Variants in WAC observed in about 807,000 individuals in gnomAD.
The protein encoded by WAC is WW domain-containing adapter protein with coiled-coil.
In WAC, 11 loss-of-function variants were observed where a neutral mutation model predicts 79.6. That is an observed-to-expected ratio of 0.14 (90% CI 0.09 to 0.23). The LOEUF (loss-of-function observed/expected upper bound fraction) is 0.23. Among genes scored for constraint, WAC ranks in the 10% least tolerant of loss-of-function variants. WAC has a pLI of 1.00. For missense variants in WAC, 728 were observed against 773.5 expected, an observed-to-expected ratio of 0.94 and a Z score of 0.70; for synonymous variants, 304 against 276.9, an observed-to-expected ratio of 1.10 and a Z score of -0.97.
chr10:28,547,268 C>G (rs1287632628), intron 3 of WAC, among the ~76,000 whole-genome samples: 1 of 152,144 alleles, frequency 6.6e-6, no homozygotes, highest in African/African-American at 2.4e-5. Flanking sequence ...GGTGCGGTGG[C>G]TCACCCCTGT....
chr10:28,608,340 G>A lies in WAC; in HGVS notation c.1074G>A (p.Gln358=). 2 of 1,614,080 alleles carry A rather than the reference G, an allele frequency of 1.2e-6. No homozygotes were observed. Among genetic ancestry groups the A allele is most frequent in the Non-Finnish European group, 8.5e-7 (1 of 1,180,012 alleles). The change falls in exon 8 of 14, where the codon CAG becomes CAA. Residue 358 remains glutamine (Q), a synonymous_variant. Coordinates refer to ENST00000354911, the MANE Select transcript of WAC (RefSeq NM_016628.5). ...VPQSPIPPLL[Q]DPNLLRQLLP... Reference sequence around the variant, plus strand: ...AGTCGCCAATACCTCCCTTACTTCAGGACCCAAATCTTCTTAGACAATTGC... The same window carrying A: ...AGTCGCCAATACCTCCCTTACTTCAAGACCCAAATCTTCTTAGACAATTGC...
At chr10:28,610,596 G>A in intron 8 of WAC, 103 bp from the exon 9 acceptor site, 1 of 1,236,158 alleles carries the variant, frequency 8.1e-7, no homozygotes, top group Non-Finnish European at 1.1e-6. Flanking sequence ...GTTCTAGGTT[G>A]AAATATTCCA....
chr10:28,560,571 C>T (rs979058593), intron 3 of WAC, among the ~76,000 whole-genome samples: 2 of 152,022 alleles, frequency 1.3e-5, no homozygotes, highest in African/African-American at 2.4e-5. Context: ...AGTCTAGAGT[C>T]GAAGGCACAG....
Position 28,535,897 on chromosome 10 carries a change from T to C in WAC, c.274+140T>C, listed in dbSNP as rs577510734. The C allele has an allele frequency of 1.3e-4, 96 of 767,546 alleles. No individual in the cohort carries two copies. The Middle Eastern group carries it at 2.4e-3, about 19-fold the overall frequency. The allele number at this position is 767,546 out of a possible 1,614,324, so 47.5% of individuals were successfully genotyped here. On this transcript the variant is annotated intron_variant, in intron 3 of 13. Transcript: ENST00000354911. ...TATTTTAATCCTATCATTTTTTTTT[T>C]ACTCTGAACAAGTTACTGTAGAAAC...
At chr10:28,559,576 G>C (rs1372953632) in intron 3 of WAC, among the ~76,000 whole-genome samples, 1 of 152,156 alleles carries the variant, frequency 6.6e-6, no homozygotes, top group African/African-American at 2.4e-5. Context: ...TTTGTGACAA[G>C]CAAGTTTGTA....
chr10:28,542,631 T>TA lies in WAC; in HGVS notation c.274+6875dup, dbSNP rs150304557. ...TTACTGTAAAGTGATGGATGGAAGA[T>TA]ACCTGATACGAGACAAAAACTTGTA... On this transcript the variant is annotated intron_variant, in intron 3 of 13. Coordinates refer to ENST00000354911, the MANE Select transcript of WAC (RefSeq NM_016628.5). Among the ~76,000 whole-genome samples the TA allele has an allele frequency of 4.4e-3, 666 of 152,324 alleles. 3 individuals carry two copies. Among genetic ancestry groups the TA allele is most frequent in the African/African-American group, 0.015 (637 of 41,574 alleles).
chr10:28,548,825 C>G (rs978713272), intron 3 of WAC, among the ~76,000 whole-genome samples: 1 of 152,076 alleles, frequency 6.6e-6, no homozygotes, highest in African/African-American at 2.4e-5. Flanking sequence ...CCACCAGCTA[C>G]GTGTATATTG....
rs143772149 is a variant in WAC, at chr10:28,541,415, G to GTTTTTTTTTTTTTTTTTTTTTTT, written c.274+5662_274+5663insTTTTTTTTTTTTTTTTTTTTTTT. 1.6e-4 allele frequency among the ~76,000 whole-genome samples: 6 copies of GTTTTTTTTTTTTTTTTTTTTTTT among 37,904 alleles called. 3 individuals are homozygous for GTTTTTTTTTTTTTTTTTTTTTTT. Among genetic ancestry groups the GTTTTTTTTTTTTTTTTTTTTTTT allele is most frequent in the Non-Finnish European group, 8.5e-5 (2 of 23,614 alleles). 24.9% of individuals were successfully genotyped at this position (37,904 alleles called of 152,430 possible). A position where few individuals can be genotyped will look rare whatever the true frequency, so the allele number is the denominator to read the frequency against. On this transcript the variant is annotated intron_variant, in intron 3 of 13. Coordinates refer to ENST00000354911, the MANE Select transcript of WAC (RefSeq NM_016628.5). ...TTTTTGTGGGGTTGTGTGTGTGTGT[G>GTTTTTTTTTTTTTTTTTTTTTTT]TTTTGTTTTTTTTTTTTTTTTTTTT...
intron 3 of WAC, among the ~76,000 whole-genome samples, chr10:28,537,221 A>G (rs1318723067): frequency 3.9e-5 from 6 of 152,232 alleles, no homozygotes; most frequent in Non-Finnish European, 8.8e-5. Context: ...GTATTTGATT[A>G]TTAAAGTGTT....
chr10:28,553,601 G>A (rs900813296), intron 3 of WAC, among the ~76,000 whole-genome samples: 2 of 152,104 alleles, frequency 1.3e-5, no homozygotes, highest in East Asian at 1.9e-4. Context: ...TTATAGTGCC[G>A]TTTAAGATTG....
At chr10:28,585,513 T>G (rs1444376926) in intron 4 of WAC, among the ~76,000 whole-genome samples, 3 of 151,974 alleles carry the variant, frequency 2.0e-5, no homozygotes, top group African/African-American at 4.8e-5. Flanking sequence ...ATCGTCAAAC[T>G]ATTTGTGATG....
chr10:28,597,597 C>G (rs1840447588), intron 7 of WAC, among the ~76,000 whole-genome samples: 1 of 152,150 alleles, frequency 6.6e-6, no homozygotes, highest in South Asian at 2.1e-4. Context: ...TAACCATATT[C>G]CTTGGTAGTC....
intron 2 of WAC, 90 bp downstream of exon 2, chr10:28,534,124 A>AC: frequency 7.6e-7 from 1 of 1,314,074 alleles, no homozygotes; most frequent in East Asian, 2.7e-5. Flanking sequence ...AGAAGTCGAT[A>AC]CAGGCCCTTC....
chr10:28,543,889 T>C (rs937850961), intron 3 of WAC, among the ~76,000 whole-genome samples: 1 of 152,182 alleles, frequency 6.6e-6, no homozygotes, highest in African/African-American at 2.4e-5. Context: ...GTTGTTGCTG[T>C]TGTTGTACTT....
rs566919980 is a variant in WAC, at chr10:28,539,145, C to T, written c.274+3388C>T. ...AATGTGGAACTTGTGCGTTTGTTTA[C>T]CTTAGGATTAGGCTTTACTGGCATC... On this transcript the variant is annotated intron_variant, in intron 3 of 13. Coordinates refer to ENST00000354911, the MANE Select transcript of WAC (RefSeq NM_016628.5). Among the ~76,000 whole-genome samples the T allele has an allele frequency of 4.5e-4, 68 of 152,124 alleles. No individual in the cohort carries two copies. In the East Asian group the frequency reaches 6.6e-3, roughly 15 times the overall value.
In WAC at chr10:28,553,600, C is replaced by T. The variant is rs192194596; in HGVS notation, c.274+17843C>T. 2.4e-3 allele frequency among the ~76,000 whole-genome samples: 361 copies of T among 151,928 alleles called. 3 individuals are homozygous for T. Among genetic ancestry groups the T allele is most frequent in the Non-Finnish European group, 3.6e-3 (246 of 67,976 alleles). On this transcript the variant is annotated intron_variant, in intron 3 of 13. Transcript: ENST00000354911. The stretch of plus-strand genomic sequence containing the variant: ...AAGGCATTATATGGTTTTATAGTGC[C>T]GTTTAAGATTGAGGGAAGGGTTGTT...
At chr10:28,561,728 G>A (rs1367534026) in intron 3 of WAC, among the ~76,000 whole-genome samples, 3 of 152,134 alleles carry the variant, frequency 2.0e-5, no homozygotes, top group African/African-American at 4.8e-5. Flanking sequence ...GGAGGTGAGC[G>A]GCAGTTGAGC....
Position 28,573,636 on chromosome 10 carries a change from A to C in WAC, c.275-9763A>C, listed in dbSNP as rs79768119. The stretch of plus-strand genomic sequence containing the variant: ...TTAGGTGTTGAGAACTGAAGAATTA[A>C]GGACTGTGTCTAAGCTAGACAAATT... On this transcript the variant is annotated intron_variant, in intron 3 of 13. Coordinates refer to ENST00000354911, the MANE Select transcript of WAC (RefSeq NM_016628.5). Among the ~76,000 whole-genome samples, 4 of 152,222 alleles carry C rather than the reference A, an allele frequency of 2.6e-5. No individual in the cohort carries two copies. The East Asian group carries it at 7.7e-4, about 29-fold the overall frequency.
At chr10:28,611,206 G>GT (rs1388418374) in intron 9 of WAC, 2 of 1,233,330 alleles carry the variant, frequency 1.6e-6, no homozygotes, top group East Asian at 5.6e-5. Flanking sequence ...GACGTTAGAT[G>GT]TTTTTTGACT....
Sources: gnomAD v4.1 joint callset for allele counts (sites outside exome capture counted in the v4.1 genomes callset) on GRCh38, gnomAD v4.1.1 for gene constraint, MANE v1.5 for transcripts, NCBI Gene and HGNC (gene_info 2026-07-23, HGNC 2026-07-21) for gene names.